RASAL1: variants seen among roughly 807,000 people sequenced by gnomAD.
The protein encoded by RASAL1 is rasGAP-activating-like protein 1.
In RASAL1, 72 loss-of-function variants were observed where a neutral mutation model predicts 96.6. The ratio of observed to expected loss-of-function variants is 0.75; its 90% CI spans 0.62 to 0.91. The LOEUF is 0.91. RASAL1 is among the 40% of genes least tolerant of loss of function. The pLI, the probability that RASAL1 is intolerant of heterozygous loss-of-function variation, is 0.00. For synonymous variants in RASAL1, 405 were observed against 430.4 expected, an observed-to-expected ratio of 0.94 and a Z score of 0.73; for missense variants, 1,016 against 1,072.5, an observed-to-expected ratio of 0.95 and a Z score of 0.74.
At chr12:113,105,600 G>C (rs1950615516) in intron 16 of RASAL1, 114 bp downstream of exon 16, 1 of 1,148,398 alleles carries the variant, frequency 8.7e-7, no homozygotes. Flanking sequence ...AAGTTGCTAT[G>C]GCATCTTGGG....
rs533299251 is a variant in RASAL1, at chr12:113,104,905, A to C, written c.1831-607T>G. The stretch of plus-strand genomic sequence containing the variant: ...GATTCCAAGCACTTTACATTGATCA[A>C]CTTATTTAATTATCACAACAAACTT... On this transcript the variant is annotated intron_variant, in intron 16 of 20. Transcript: ENST00000548055. Among the ~76,000 whole-genome samples, 159 of 152,320 alleles carry C rather than the reference A, an allele frequency of 1.0e-3. 1 individual carries two copies. Among genetic ancestry groups the C allele is most frequent in the South Asian group, 4.8e-3 (23 of 4,826 alleles).
At chr12:113,117,014 C>T (rs1257943469) in intron 8 of RASAL1, 59 bp downstream of exon 8, 13 of 1,397,174 alleles carry the variant, frequency 9.3e-6, no homozygotes, top group African/African-American at 1.4e-5. Context: ...TGCCCGCAAG[C>T]TGTGGATGCT....
intron 2 of RASAL1, 113 bp from the exon 3 acceptor site, chr12:113,128,291 G>GAC (rs1391082082): frequency 4.7e-5 from 30 of 641,374 alleles, no homozygotes; most frequent in Admixed American, 4.1e-4. Flanking sequence ...CGGGAATCCA[G>GAC]ACACACACAC....
At chr12:113,132,697 G>T (rs1951769195) in intron 1 of RASAL1, among the ~76,000 whole-genome samples, 1 of 152,152 alleles carries the variant, frequency 6.6e-6, no homozygotes, top group Non-Finnish European at 1.5e-5. Flanking sequence ...CTTGCTGGAT[G>T]AGCCCTTCCC....
At chr12:113,102,828 A>G (rs115549046) in intron 18 of RASAL1, 2,607 of 153,214 alleles carry the variant, frequency 0.017, 69 homozygotes, top group African/African-American at 0.059. Flanking sequence ...CTCTCCCGGT[A>G]CTCCTCCCTC....
At position 113,103,659 on chromosome 12, in the gene RASAL1, A is replaced by G. The variant is rs114466295; in HGVS notation, c.2104+287T>C. On this transcript the variant is annotated intron_variant, in intron 18 of 20. Coordinates refer to ENST00000548055, the MANE Select transcript of RASAL1 (RefSeq NM_001301202.2). ...ACTCATCTTTCTTGAGAACAAGCTC[A>G]TGATGTTTGAGTACCACTGGATGCT... The G allele has an allele frequency of 3.8e-3, 1,931 of 512,040 alleles. 34 individuals carry two copies. The highest frequency in any genetic ancestry group is 0.035 in the African/African-American group (1,767 of 51,152). 31.7% of individuals were successfully genotyped at this position (512,040 alleles called of 1,614,324 possible). A position where few individuals can be genotyped will look rare whatever the true frequency, so the allele number is the denominator to read the frequency against.
intron 1 of RASAL1, among the ~76,000 whole-genome samples, chr12:113,134,801 T>A (rs991328604): frequency 6.6e-6 from 1 of 152,104 alleles, no homozygotes; most frequent in East Asian, 1.9e-4. Flanking sequence ...GAATTGGCTC[T>A]TCAAGCAGCT....
intron 5 of RASAL1, among the ~76,000 whole-genome samples, chr12:113,120,963 T>C (rs1471142590): frequency 2.0e-5 from 3 of 151,982 alleles, no homozygotes; most frequent in East Asian, 1.9e-4. Context: ...TCCCAGGACA[T>C]TGGTTGGAAA....
chr12:113,117,175 C>T lies in RASAL1; in HGVS notation c.643-14G>A, dbSNP rs1951120188. 2 of 1,560,088 alleles carry T rather than the reference C, an allele frequency of 1.3e-6. No individual in the cohort carries two copies. Among genetic ancestry groups the T allele is most frequent in the Admixed American group, 3.4e-5 (2 of 58,278 alleles). ...AGAGAACTCCACCTTTTGAGAGAGA[C>T]ACACAGACCCTCAGCCGGGCCCTGG... is the stretch of plus-strand genomic sequence containing the variant. On this transcript the variant is annotated splice_polypyrimidine_tract_variant and intron_variant, in intron 7 of 20. Coordinates refer to ENST00000548055, the MANE Select transcript of RASAL1 (RefSeq NM_001301202.2).
chr12:113,136,163 C>G (rs1203051800), upstream of RASAL1: 1 of 152,280 alleles, frequency 6.6e-6, no homozygotes, highest in Non-Finnish European at 1.5e-5. Flanking sequence ...GTCGCATGTT[C>G]CCTGGGGGTC....
At chr12:113,114,106 G>A (rs887080711) in intron 12 of RASAL1, among the ~76,000 whole-genome samples, 2 of 152,198 alleles carry the variant, frequency 1.3e-5, no homozygotes, top group African/African-American at 4.8e-5. Context: ...AGCTGGATAA[G>A]GGACATTTTA....
chr12:113,121,416 G>A (rs2136212629), intron 5 of RASAL1, 93 bp downstream of exon 5: 1 of 1,567,102 alleles, frequency 6.4e-7, no homozygotes, highest in Non-Finnish European at 8.7e-7. Flanking sequence ...CCCCAGGACT[G>A]AGGAGGTCCC....
intron 12 of RASAL1, among the ~76,000 whole-genome samples, chr12:113,114,302 G>T (rs529978634): frequency 4.0e-5 from 6 of 151,800 alleles, no homozygotes; most frequent in African/African-American, 1.5e-4. Context: ...GCAAAACCCT[G>T]TCTCTGCTAA....
chr12:113,132,298 A>T (rs922272687), intron 1 of RASAL1, among the ~76,000 whole-genome samples: 40 of 151,896 alleles, frequency 2.6e-4, no homozygotes, highest in African/African-American at 9.4e-4. Flanking sequence ...TGCGTTTAGT[A>T]TTGTCTCCCC....
Position 113,108,138 on chromosome 12 carries a change from G to T in RASAL1, c.1459C>A (p.Arg487=). ...AILTPKLFDL[R]DQHADPQTSR... ...GTCTGGGGGTCCGCGTGTTGGTCCC[G>T]AAGGTCAAACAGCTTTGGGGTAAGG... The change falls in exon 14 of 21, where the codon CGG becomes AGG. Residue 487 remains arginine (R), a synonymous_variant. Transcript: ENST00000548055. 6.2e-7 allele frequency: 1 copy of T among 1,613,806 alleles called. No homozygotes were observed. The highest frequency in any genetic ancestry group is 8.5e-7 in the Non-Finnish European group (1 of 1,179,906).
At chr12:113,109,047 T>C (rs561416528) in intron 13 of RASAL1, among the ~76,000 whole-genome samples, 1 of 115,480 alleles carries the variant, frequency 8.7e-6, no homozygotes, top group East Asian at 2.0e-4. Context: ...GTGTGTGTTT[T>C]TTTTTTTTTT....
rs751428777 is a variant in RASAL1 at position 113,126,686 on chromosome 12, T to TCACACACACA, written c.298+1125_298+1126insTGTGTGTGTG. On this transcript the variant is annotated intron_variant, in intron 4 of 20. Coordinates refer to ENST00000548055, the MANE Select transcript of RASAL1 (RefSeq NM_001301202.2). ...GACAGAATGAGACACTGTCTCTCTC[T>TCACACACACA]CTCACACACACACACACACACACAC... 4.2e-5 allele frequency among the ~76,000 whole-genome samples: 6 copies of TCACACACACA among 141,598 alleles called. No homozygotes were observed. In the South Asian group the frequency reaches 1.1e-3, roughly 27 times the overall value. The allele number at this position is 141,598 out of a possible 152,430, so 92.9% of individuals were successfully genotyped here. A position where few individuals can be genotyped will look rare whatever the true frequency, so the allele number is the denominator to read the frequency against.
At chr12:113,108,369 T>G (rs1592900148) in intron 13 of RASAL1, 147 bp from the exon 14 acceptor site, 1 of 992,452 alleles carries the variant, frequency 1.0e-6, no homozygotes, top group Non-Finnish European at 1.4e-6. Context: ...GCCGAGGAAG[T>G]TTTTCCTCTC....
At position 113,127,867 on chromosome 12, in the gene RASAL1, G is replaced by A. The variant is rs781118184; in HGVS notation, c.243C>T (p.Asp81=). The change falls in exon 4 of 21, where the codon GAC becomes GAT. Residue 81 remains aspartate, a synonymous_variant. Transcript: ENST00000548055. ...TCAGCGAGATCTTGCCGATGATGTC[G>A]TCGTGCCTGCAGGAAGGCGGGCACG... is the stretch of plus-strand genomic sequence containing the variant. ...YVLDEDTVGH[D]DIIGKISLSR... 6 of 1,613,250 alleles carry A rather than the reference G, an allele frequency of 3.7e-6. No individual in the cohort carries two copies. The highest frequency in any genetic ancestry group is 1.7e-5 in the Admixed American group (1 of 60,008).
Sources: gnomAD v4.1 joint callset for allele counts (sites outside exome capture counted in the v4.1 genomes callset) on GRCh38, gnomAD v4.1.1 for gene constraint, MANE v1.5 for transcripts, NCBI Gene and HGNC (gene_info 2026-07-23, HGNC 2026-07-21) for gene names.